Variants in SLC1A2 observed in about 807,000 individuals in gnomAD.
SLC1A2 encodes the protein solute carrier family 1 member 2.
Under a neutral mutation model 48.8 loss-of-function variants are expected in SLC1A2, and 15 were observed. That is an observed-to-expected ratio of 0.31 (90% CI 0.21 to 0.47). SLC1A2 has a LOEUF of 0.47. Among genes scored for constraint, SLC1A2 ranks in the 20% least tolerant of loss-of-function variants. The pLI is 0.99. For missense variants in SLC1A2, 502 were observed against 730.5 expected (o/e 0.69, Z 3.61); for synonymous variants, 279 against 272.6 (o/e 1.02, Z -0.23).
chr11:35,262,289 C>T (rs983672033), intron 10 of SLC1A2, among the ~76,000 whole-genome samples: 1 of 152,190 alleles, frequency 6.6e-6, no homozygotes, highest in African/African-American at 2.4e-5. Flanking sequence ...AGTGTGGTGC[C>T]TTTGAAAGAC....
intron 4 of SLC1A2, among the ~76,000 whole-genome samples, chr11:35,311,451 C>T (rs539594064): frequency 2.6e-5 from 4 of 152,292 alleles, no homozygotes; most frequent in African/African-American, 4.8e-5. Context: ...TGAGCCACCA[C>T]GCCCAGCCAG....
intron 8 of SLC1A2, chr11:35,285,326 C>CTTA (rs1850780792): frequency 6.6e-6 from 1 of 152,180 alleles, no homozygotes; most frequent in Non-Finnish European, 1.5e-5. Flanking sequence ...ATGACTATTC[C>CTTA]TTCTCTTCAG....
chr11:35,288,662 C>T (rs113449821), intron 7 of SLC1A2, among the ~76,000 whole-genome samples: 3,712 of 152,076 alleles, frequency 0.024, 62 homozygotes, highest in African/African-American at 0.084. Context: ...ATCAAATGGT[C>T]TTTGGACAAT....
intron 1 of SLC1A2, among the ~76,000 whole-genome samples, chr11:35,327,455 G>A (rs1852284538): frequency 6.6e-6 from 1 of 152,132 alleles, no homozygotes; most frequent in Non-Finnish European, 1.5e-5. Context: ...GGGGCCTTAA[G>A]GTAGTCCAGG....
intron 9 of SLC1A2, among the ~76,000 whole-genome samples, chr11:35,273,453 C>G (rs950968147): frequency 1.3e-5 from 2 of 152,222 alleles, no homozygotes; most frequent in African/African-American, 4.8e-5. Context: ...GGATACTCAC[C>G]TGCAAGCATG....
chr11:35,407,800 C>A (rs1261801588), intron 1 of SLC1A2, among the ~76,000 whole-genome samples: 1 of 152,214 alleles, frequency 6.6e-6, no homozygotes, highest in Non-Finnish European at 1.5e-5. Flanking sequence ...CACCCCGCAC[C>A]CCGTGAATCA....
chr11:35,362,294 G>T (rs374775907), intron 1 of SLC1A2, among the ~76,000 whole-genome samples: 2 of 152,238 alleles, frequency 1.3e-5, no homozygotes, highest in East Asian at 1.9e-4. Context: ...CCCCTCCCTG[G>T]GCCATTTCAA....
Position 35,307,602 on chromosome 11 carries a change from G to A in SLC1A2, c.562-1360C>T, listed in dbSNP as rs1380236805. On this transcript the variant is annotated intron_variant, in intron 4 of 10. Transcript: ENST00000278379. ...AGTAGGTAACAGATGGCTGAACCCC[G>A]AATAGATACGGAAGAAGATGTACGG... Among the ~76,000 whole-genome samples the A allele has an allele frequency of 2.6e-5, 4 of 152,190 alleles. 1 individual carries two copies. The highest frequency in any genetic ancestry group is 4.1e-4 in the South Asian group (2 of 4,834).
intron 1 of SLC1A2, chr11:35,322,613 G>A (rs1489993069): frequency 6.5e-7 from 1 of 1,535,164 alleles, no homozygotes; most frequent in Non-Finnish European, 8.7e-7. Context: ...CAGGCTTCAG[G>A]ATCTGGAGAG....
chr11:35,279,588 G>T (rs908189439), intron 9 of SLC1A2, among the ~76,000 whole-genome samples: 1 of 152,292 alleles, frequency 6.6e-6, no homozygotes, highest in East Asian at 1.9e-4. Context: ...ATACACCTGA[G>T]AAACTTTTAC....
At chr11:35,278,834 C>T (rs1481991290) in intron 9 of SLC1A2, among the ~76,000 whole-genome samples, 1 of 151,970 alleles carries the variant, frequency 6.6e-6, no homozygotes, top group South Asian at 2.1e-4. Context: ...GCCTGACCAA[C>T]ATAGTGAAAC....
intron 8 of SLC1A2, among the ~76,000 whole-genome samples, chr11:35,283,025 A>G (rs937411050): frequency 5.3e-5 from 8 of 152,110 alleles, no homozygotes; most frequent in African/African-American, 1.9e-4. Flanking sequence ...TACTAGACAC[A>G]CAATATCAGA....
At position 35,265,254 on chromosome 11, in the gene SLC1A2, A is replaced by G. The variant is rs116109938; in HGVS notation, c.1653+273T>C. 1,097 of 515,800 alleles carry G rather than the reference A, an allele frequency of 2.1e-3. 12 individuals carry two copies. Among genetic ancestry groups the G allele is most frequent in the African/African-American group, 0.019 (997 of 51,574 alleles). The allele number at this position is 515,800 out of a possible 1,614,324, so 32.0% of individuals were successfully genotyped here. A position where few individuals can be genotyped will look rare whatever the true frequency, so the allele number is the denominator to read the frequency against. On this transcript the variant is annotated intron_variant, in intron 10 of 10. Coordinates refer to ENST00000278379, the MANE Select transcript of SLC1A2 (RefSeq NM_004171.4). ...CAAGACAACTGGTCAAATTAGTTAA[A>G]TGGGGTAGATAGGGGAACCCGAATG... is the stretch of plus-strand genomic sequence containing the variant.
rs55930999 is a variant in SLC1A2 at position 35,345,524 on chromosome 11, G to A, written c.18-28008C>T. Reference sequence around the variant, plus strand: ...TGCACCATTCAGAAAGGTCAGCACCGCCACTGTGAGCATCTGACTGTTGGG... The same window carrying A: ...TGCACCATTCAGAAAGGTCAGCACCACCACTGTGAGCATCTGACTGTTGGG... On this transcript the variant is annotated intron_variant, in intron 1 of 10. Coordinates refer to ENST00000278379, the MANE Select transcript of SLC1A2 (RefSeq NM_004171.4). Among the ~76,000 whole-genome samples the A allele has an allele frequency of 8.9e-3, 1,349 of 152,182 alleles. 19 individuals are homozygous for A. The highest frequency in any genetic ancestry group is 0.031 in the African/African-American group (1,283 of 41,508).
chr11:35,318,068 A>G (rs2134908434), intron 1 of SLC1A2, among the ~76,000 whole-genome samples: 3 of 152,376 alleles, frequency 2.0e-5, no homozygotes, highest in Admixed American at 2.0e-4. Context: ...TAAAAAAATA[A>G]TAATAATAAT....
At chr11:35,290,398 T>C (rs180775052) in intron 7 of SLC1A2, among the ~76,000 whole-genome samples, 128 of 152,246 alleles carry the variant, frequency 8.4e-4, no homozygotes, top group African/African-American at 3.0e-3. Context: ...TCTATTGCAA[T>C]AGATACAACT....
chr11:35,277,435 G>C (rs1850477817), intron 9 of SLC1A2, among the ~76,000 whole-genome samples: 1 of 152,170 alleles, frequency 6.6e-6, no homozygotes, highest in Non-Finnish European at 1.5e-5. Flanking sequence ...GGATTAAATG[G>C]AGACAGATGT....
At chr11:35,414,168 TTATC>T (rs1447972428) in intron 1 of SLC1A2, among the ~76,000 whole-genome samples, 1 of 152,184 alleles carries the variant, frequency 6.6e-6, no homozygotes, top group Non-Finnish European at 1.5e-5. Flanking sequence ...TCATATCTGT[TTATC>T]TAAGTGAGAC....
intron 1 of SLC1A2, among the ~76,000 whole-genome samples, chr11:35,394,846 C>A (rs1159773612): frequency 6.6e-6 from 1 of 152,240 alleles, no homozygotes; most frequent in African/African-American, 2.4e-5. Context: ...ATAAAGACAA[C>A]TGTTCTTCTG....
Sources: allele counts gnomAD v4.1 joint callset (sites outside exome capture counted in the v4.1 genomes callset), GRCh38; gene constraint gnomAD v4.1.1; transcripts MANE v1.5; gene names NCBI Gene and HGNC (gene_info 2026-07-23, HGNC 2026-07-21).